Variants in PCDHGA7 observed in about 807,000 individuals in gnomAD.
The protein encoded by PCDHGA7 is protocadherin gamma-A7.
A neutral mutation model predicts 58.3 loss-of-function variants in PCDHGA7; 44 were observed. The ratio of observed to expected loss-of-function variants is 0.75; its 90% CI spans 0.59 to 0.97. The LOEUF (loss-of-function observed/expected upper bound fraction) is 0.97, where lower values mean the gene tolerates loss of function less well. PCDHGA7 is among the 50% of genes least tolerant of loss of function. PCDHGA7 has a pLI of 0.00. For missense variants in PCDHGA7, 1,266 were observed against 1,188.7 expected (o/e 1.06, Z -0.96); for synonymous variants, 516 against 504.2 (o/e 1.02, Z -0.31).
chr5:141,427,096 T>A, intron 1 of PCDHGA7: 1 of 458,056 alleles, frequency 2.2e-6, no homozygotes, highest in Non-Finnish European at 4.4e-6. Flanking sequence ...GATGAGGGTG[T>A]CAATGCGGAG....
chr5:141,485,563 C>A lies in PCDHGA7; in HGVS notation c.2425-9244C>A. 2 of 1,612,904 alleles carry A rather than the reference C, an allele frequency of 1.2e-6. No individual in the cohort carries two copies. The highest frequency in any genetic ancestry group is 1.7e-6 in the Non-Finnish European group (2 of 1,179,034). ...AGATCGTAGATGTGAATGATCACGC[C>A]CCCCGTTTTCCGCGGCAGCAGCTGG... On this transcript the variant is annotated intron_variant, in intron 1 of 3. Coordinates refer to ENST00000518325, the MANE Select transcript of PCDHGA7 (RefSeq NM_018920.4). This position sits in a 1 kb window ranked among gnomAD's most constrained non-coding sequence, Gnocchi z 5.7.
At chr5:141,434,364 A>G (rs1023051594) in intron 1 of PCDHGA7, among the ~76,000 whole-genome samples, 1 of 152,208 alleles carries the variant, frequency 6.6e-6, no homozygotes, top group Non-Finnish European at 1.5e-5. Context: ...AAATCTGGCC[A>G]TAAACTGGCC....
At chr5:141,503,309 A>G (rs2099819130) in intron 2 of PCDHGA7, among the ~76,000 whole-genome samples, 1 of 152,034 alleles carries the variant, frequency 6.6e-6, no homozygotes, top group Non-Finnish European at 1.5e-5. Flanking sequence ...TCAAGAAAGA[A>G]TTGTTGGAGG....
intron 1 of PCDHGA7, chr5:141,392,803 G>A: frequency 6.4e-7 from 1 of 1,573,156 alleles, no homozygotes. Context: ...GGATTCTGCA[G>A]CAAAACAACA....
intron 1 of PCDHGA7, chr5:141,399,577 TC>T (rs1393975550): frequency 6.2e-7 from 1 of 1,613,972 alleles, no homozygotes; most frequent in Non-Finnish European, 8.5e-7. Flanking sequence ...CGGCCAAGTC[TC>T]CTACTCTATC....
intron 1 of PCDHGA7, chr5:141,398,054 A>G (rs372627681): frequency 9.0e-5 from 136 of 1,518,912 alleles, no homozygotes; most frequent in Non-Finnish European, 1.0e-4. Context: ...CGGAGATCCA[A>G]AAATCTACAA....
In PCDHGA7 at chr5:141,385,248, G is replaced by T; in HGVS notation, c.2349G>T (p.Glu783Asp). 6.2e-7 allele frequency: 1 copy of T among 1,613,854 alleles called. No individual in the cohort carries two copies. The highest frequency in any genetic ancestry group is 8.5e-7 in the Non-Finnish European group (1 of 1,179,720). The stretch of plus-strand genomic sequence containing the variant: ...ATGTAGACATGCTCATCAGCCAGGA[G>T]AGCTGTGAGAAAAATGATTCTTTGC... ...PNYVDMLISQ[E>D]SCEKNDSLLT... The change falls in exon 1 of 4, where the codon GAG becomes GAT. Residue 783 changes from glutamate to aspartate, a missense_variant. Physicochemically the swap from Glu to Asp is conservative, Grantham distance 45 (BLOSUM62 2). Coordinates refer to ENST00000518325, the MANE Select transcript of PCDHGA7 (RefSeq NM_018920.4).
chr5:141,505,645 G>A (rs997169182), intron 3 of PCDHGA7, 164 bp downstream of exon 3: 2 of 964,274 alleles, frequency 2.1e-6, no homozygotes, highest in African/African-American at 1.8e-5. Flanking sequence ...GCCTGGAATT[G>A]TGGCTAAGGA....
At chr5:141,415,688 T>C (rs373105795) in intron 1 of PCDHGA7, 1 of 1,546,006 alleles carries the variant, frequency 6.5e-7, no homozygotes, top group Admixed American at 2.0e-5. Context: ...GGCATGATGG[T>C]GGAAAGTGTA....
chr5:141,470,022 G>A (rs892106953), intron 1 of PCDHGA7, among the ~76,000 whole-genome samples: 2 of 152,188 alleles, frequency 1.3e-5, no homozygotes, highest in African/African-American at 2.4e-5. Context: ...CCAGCTACTC[G>A]GGATGCTGAG....
At chr5:141,393,715 T>C in intron 1 of PCDHGA7, 1 of 1,613,746 alleles carries the variant, frequency 6.2e-7, no homozygotes, top group South Asian at 1.1e-5. Flanking sequence ...ACTGGGGAAA[T>C]ATCAATAGCA....
chr5:141,470,738 C>T lies in PCDHGA7; in HGVS notation c.2425-24069C>T, dbSNP rs117476356. On this transcript the variant is annotated intron_variant, in intron 1 of 3. Transcript: ENST00000518325. ...TTTGAGTCAGGGTCTTGCTCTGTCG[C>T]CCTGGCTGGAGTGCAGTGGACTCAC... Among the ~76,000 whole-genome samples the T allele has an allele frequency of 1.9e-3, 295 of 152,226 alleles. 7 individuals carry two copies. In the East Asian group the frequency reaches 0.046, roughly 24 times the overall value.
chr5:141,492,948 CA>C (rs2099745260), intron 1 of PCDHGA7, among the ~76,000 whole-genome samples: 1 of 152,188 alleles, frequency 6.6e-6, no homozygotes, highest in Non-Finnish European at 1.5e-5. Flanking sequence ...TGGAGGTGAC[CA>C]AACTATCTGA....
intron 1 of PCDHGA7, chr5:141,410,748 C>T (rs569108587): frequency 8.8e-6 from 11 of 1,245,288 alleles, no homozygotes; most frequent in Admixed American, 5.8e-5. Flanking sequence ...AATATTTTCT[C>T]AATGTTTTTT....
intron 1 of PCDHGA7, among the ~76,000 whole-genome samples, chr5:141,462,068 C>T (rs1006462521): frequency 6.6e-6 from 1 of 152,196 alleles, no homozygotes; most frequent in African/African-American, 2.4e-5. Context: ...GGTGATCTGC[C>T]CGCCTTGGCC....
chr5:141,503,912 A>AAC (rs34419983), intron 2 of PCDHGA7, among the ~76,000 whole-genome samples: 3 of 152,280 alleles, frequency 2.0e-5, no homozygotes, highest in East Asian at 3.9e-4. Context: ...CACACAACGC[A>AAC]ACACACACAC....
Position 141,491,414 on chromosome 5 carries a change from G to A in PCDHGA7, c.2425-3393G>A. On this transcript the variant is annotated intron_variant, in intron 1 of 3. Coordinates refer to ENST00000518325, the MANE Select transcript of PCDHGA7 (RefSeq NM_018920.4). The surrounding 1 kb of genome is among the most constrained non-coding windows in gnomAD (Gnocchi z 6.9). ...CTTCAGGGAAACGCAGACGGGGACGGGGGTGGAGGGCAGTGCTGCAGGCGC... is the reference window on the plus strand; with the variant it reads ...CTTCAGGGAAACGCAGACGGGGACGAGGGTGGAGGGCAGTGCTGCAGGCGC... 2 of 1,614,126 alleles carry A rather than the reference G, an allele frequency of 1.2e-6. No individual in the cohort carries two copies. Among genetic ancestry groups the A allele is most frequent in the Non-Finnish European group, 1.7e-6 (2 of 1,180,022 alleles).
At chr5:141,403,159 A>G (rs778714191) in intron 1 of PCDHGA7, 2 of 1,614,002 alleles carry the variant, frequency 1.2e-6, no homozygotes, top group East Asian at 4.5e-5. Context: ...TCGTCTCTAG[A>G]GGTAGGACGC....
intron 1 of PCDHGA7, chr5:141,430,796 C>T (rs1347347402): frequency 6.6e-6 from 10 of 1,522,232 alleles, no homozygotes; most frequent in Non-Finnish European, 8.8e-6. Flanking sequence ...CTACAAAGGG[C>T]TTGTCCTGCT....
Sources: allele counts gnomAD v4.1 joint callset (sites outside exome capture counted in the v4.1 genomes callset), GRCh38; gene constraint gnomAD v4.1.1; non-coding constraint Gnocchi (gnomAD v3.1); transcripts MANE v1.5; gene names NCBI Gene and HGNC (gene_info 2026-07-23, HGNC 2026-07-21).